Variants in PRKCA observed in about 807,000 individuals in gnomAD.
PRKCA encodes protein kinase C alpha.
Under a neutral mutation model 87.0 loss-of-function variants are expected in PRKCA, and 27 were observed. That is an observed-to-expected ratio of 0.31 (90% CI 0.23 to 0.43). PRKCA has a LOEUF of 0.43. PRKCA is among the 20% of genes least tolerant of loss of function. The pLI is 1.00. For synonymous variants in PRKCA, 329 were observed against 311.1 expected (o/e 1.06, Z -0.61); for missense variants, 518 against 852.3 (o/e 0.61, Z 4.88).
chr17:66,528,713 T>A (rs962433949), intron 3 of PRKCA, among the ~76,000 whole-genome samples: 11 of 152,200 alleles, frequency 7.2e-5, no homozygotes, highest in African/African-American at 2.7e-4. Context: ...TTGCTTTAAG[T>A]CACTAAGTTT....
intron 13 of PRKCA, among the ~76,000 whole-genome samples, chr17:66,769,957 T>G (rs537641652): frequency 1.2e-4 from 19 of 152,384 alleles, no homozygotes; most frequent in Admixed American, 3.9e-4. Flanking sequence ...CCTACAGTTT[T>G]CAAACAAAAT....
chr17:66,735,803 C>A, intron 10 of PRKCA, 141 bp downstream of exon 10: 1 of 859,240 alleles, frequency 1.2e-6, no homozygotes, highest in Non-Finnish European at 1.7e-6. Context: ...GACTGGGGAC[C>A]ACCTCCCACC....
At chr17:66,558,242 A>G (rs1968562655) in intron 3 of PRKCA, among the ~76,000 whole-genome samples, 1 of 152,274 alleles carries the variant, frequency 6.6e-6, no homozygotes, top group Non-Finnish European at 1.5e-5. Context: ...ACACCGAAGC[A>G]TAAACATTTC....
intron 2 of PRKCA, among the ~76,000 whole-genome samples, chr17:66,465,810 C>A (rs1915060533): frequency 6.6e-6 from 1 of 152,192 alleles, no homozygotes; most frequent in Non-Finnish European, 1.5e-5. Context: ...AACCTCTTTC[C>A]ACCCAAGCAA....
intron 8 of PRKCA, among the ~76,000 whole-genome samples, chr17:66,710,580 C>T (rs1973299732): frequency 6.6e-6 from 1 of 152,118 alleles, no homozygotes; most frequent in Non-Finnish European, 1.5e-5. Flanking sequence ...CTTAAGGATG[C>T]ACCGCGTGTT....
chr17:66,727,222 G>A (rs1441252504), intron 8 of PRKCA, among the ~76,000 whole-genome samples: 2 of 152,084 alleles, frequency 1.3e-5, no homozygotes, highest in Admixed American at 1.3e-4. Context: ...GAGATTTATT[G>A]CAAAGTGACC....
At chr17:66,718,854 CA>C (rs538132963) in intron 8 of PRKCA, among the ~76,000 whole-genome samples, 276 of 152,306 alleles carry the variant, frequency 1.8e-3, no homozygotes, top group Middle Eastern at 6.8e-3. Context: ...AACACATATA[CA>C]CAGCCACATG....
intron 2 of PRKCA, among the ~76,000 whole-genome samples, chr17:66,394,866 C>T (rs976869383): frequency 5.3e-5 from 8 of 152,162 alleles, no homozygotes; most frequent in African/African-American, 2.4e-5. Context: ...CTCCCCTTCG[C>T]CTTCTGCCAT....
intron 8 of PRKCA, among the ~76,000 whole-genome samples, chr17:66,717,429 GGA>G (rs1368753816): frequency 6.6e-6 from 1 of 152,200 alleles, no homozygotes; most frequent in Non-Finnish European, 1.5e-5. Flanking sequence ...TTCAAAGGCT[GGA>G]GTTCTGGATT....
At chr17:66,768,748 C>T (rs140596012) in intron 13 of PRKCA, among the ~76,000 whole-genome samples, 82 of 152,264 alleles carry the variant, frequency 5.4e-4, no homozygotes, top group African/African-American at 1.5e-3. Flanking sequence ...AGGGGAAATC[C>T]GCCCCCATGA....
intron 2 of PRKCA, among the ~76,000 whole-genome samples, chr17:66,323,646 G>A (rs747979665): frequency 6.6e-6 from 1 of 152,190 alleles, no homozygotes; most frequent in African/African-American, 2.4e-5. Flanking sequence ...GTGGTAGAAA[G>A]AATTGCTAAT....
chr17:66,497,847 A>G (rs1203619692), intron 3 of PRKCA, among the ~76,000 whole-genome samples: 2 of 152,192 alleles, frequency 1.3e-5, no homozygotes, highest in Non-Finnish European at 1.5e-5. Context: ...CGTTGTTGTA[A>G]CACAAGTAAG....
intron 3 of PRKCA, among the ~76,000 whole-genome samples, chr17:66,574,638 G>A (rs570482760): frequency 1.7e-4 from 26 of 151,840 alleles, no homozygotes; most frequent in Admixed American, 2.6e-4. Flanking sequence ...AAAACTCAGC[G>A]GTGAAAGGAA....
At chr17:66,595,366 G>A (rs115806911) in intron 3 of PRKCA, among the ~76,000 whole-genome samples, 2,354 of 151,452 alleles carry the variant, frequency 0.016, 72 homozygotes, top group African/African-American at 0.054. Flanking sequence ...TACATCAGTC[G>A]TTGAATTTAG....
At chr17:66,368,384 A>ATT (rs1269947105) in intron 2 of PRKCA, among the ~76,000 whole-genome samples, 55 of 27,000 alleles carry the variant, frequency 2.0e-3, no homozygotes, top group African/African-American at 5.1e-3. Flanking sequence ...ATATATATAT[A>ATT]TATTTTTTTT....
chr17:66,497,076 T>A (rs973030345), intron 3 of PRKCA, among the ~76,000 whole-genome samples: 3 of 152,254 alleles, frequency 2.0e-5, no homozygotes, highest in Admixed American at 6.5e-5. Flanking sequence ...ATGCTGCTGC[T>A]GATTGAAATA....
intron 3 of PRKCA, among the ~76,000 whole-genome samples, chr17:66,500,372 G>C (rs1422435270): frequency 6.6e-6 from 1 of 152,210 alleles, no homozygotes; most frequent in African/African-American, 2.4e-5. Context: ...TGGCCAAACT[G>C]TGCTGCACCA....
intron 3 of PRKCA, among the ~76,000 whole-genome samples, chr17:66,596,099 C>A (rs1261515354): frequency 6.6e-6 from 1 of 152,190 alleles, no homozygotes; most frequent in Non-Finnish European, 1.5e-5. Flanking sequence ...ACGTTGTCAG[C>A]AACACTTCTT....
intron 3 of PRKCA, among the ~76,000 whole-genome samples, chr17:66,511,894 T>C (rs8070338): frequency 0.49 from 74,804 of 151,550 alleles, 18,797 homozygotes; most frequent in East Asian, 0.76. Context: ...TTGGCCAGGG[T>C]GGTCTTGAAC....
Sources: allele counts gnomAD v4.1 joint callset (sites outside exome capture counted in the v4.1 genomes callset), GRCh38; gene constraint gnomAD v4.1.1; transcripts MANE v1.5; gene names NCBI Gene and HGNC (gene_info 2026-07-23, HGNC 2026-07-21).